Variants in SDK1 observed in about 807,000 individuals in gnomAD.
SDK1 encodes sidekick cell adhesion molecule 1.
SDK1 carries 157 observed loss-of-function variants against 245.5 expected under a neutral mutation model. The ratio of observed to expected loss-of-function variants is 0.64; its 90% CI spans 0.56 to 0.73. The LOEUF is 0.73. Ranked by LOEUF, SDK1 falls within the 30% of genes least tolerant of loss-of-function variation. SDK1 has a pLI of 0.00. For missense variants in SDK1, 3,583 were observed against 3,002.3 expected (o/e 1.19, Z -4.52); for synonymous variants, 1,647 against 1,278.5 (o/e 1.29, Z -6.15).
At chr7:3,655,497 A>G (rs192196419) in intron 4 of SDK1, among the ~76,000 whole-genome samples, 5,323 of 64,014 alleles carry the variant, frequency 0.083, 769 homozygotes, top group African/African-American at 0.22. Context: ...ATATATATAT[A>G]TATATATGTA....
rs1782394083 is a variant in SDK1 at position 4,178,527 on chromosome 7, A to G, written c.5039A>G (p.Tyr1680Cys). 10 of 1,613,908 alleles carry G rather than the reference A, an allele frequency of 6.2e-6. No individual in the cohort carries two copies. Among genetic ancestry groups the G allele is most frequent in the Non-Finnish European group, 5.9e-6 (7 of 1,180,004 alleles). Residue 1680 changes from tyrosine (Y) to cysteine (C), a missense_variant, in exon 35 of 45, where the codon TAT becomes TGT. By Grantham distance (194) the Tyr-to-Cys change is radical. Coordinates refer to ENST00000404826, the MANE Select transcript of SDK1 (RefSeq NM_152744.4). ...YRRYEVIMTA[Y>C]NIIGESPASA... ...CGCTATGAAGTAATAATGACCGCCT[A>G]TAACATCATCGGCGAGAGCCCAGCC...
chr7:3,810,310 T>A (rs1456075936), intron 4 of SDK1, among the ~76,000 whole-genome samples: 1 of 152,214 alleles, frequency 6.6e-6, no homozygotes, highest in African/African-American at 2.4e-5. Context: ...AAACATGTAT[T>A]CCGCACATTT....
chr7:3,996,557 G>C (rs866802537), intron 14 of SDK1, among the ~76,000 whole-genome samples: 2 of 152,218 alleles, frequency 1.3e-5, no homozygotes, highest in Admixed American at 1.3e-4. Flanking sequence ...ATACCCATAG[G>C]CTGTATACTT....
chr7:4,123,457 C>T (rs1055333510), intron 25 of SDK1, among the ~76,000 whole-genome samples: 1 of 152,116 alleles, frequency 6.6e-6, no homozygotes, highest in African/African-American at 2.4e-5. Context: ...ATTTAAGACA[C>T]CCTATGGGAG....
chr7:3,531,484 A>G (rs2128618025), intron 1 of SDK1, among the ~76,000 whole-genome samples: 1 of 152,280 alleles, frequency 6.6e-6, no homozygotes, highest in South Asian at 2.1e-4. Flanking sequence ...CTGAGACCCC[A>G]GTTTTCCCAG....
rs534600868 is a variant in SDK1, at chr7:4,144,172, C to T, written c.4229-1550C>T. Among the ~76,000 whole-genome samples, 17 of 152,178 alleles carry T rather than the reference C, an allele frequency of 1.1e-4. No homozygotes were observed. The South Asian group carries it at 1.2e-3, about 11-fold the overall frequency. ...GGGGAGGCCGGGGGAAAGAGCTGGC[C>T]GCCGTCTCTAGGCTGCCCTCGGTCA... On this transcript the variant is annotated intron_variant, in intron 28 of 44. Coordinates refer to ENST00000404826, the MANE Select transcript of SDK1 (RefSeq NM_152744.4).
chr7:3,482,171 C>T (rs10499337), intron 1 of SDK1, among the ~76,000 whole-genome samples: 36,700 of 152,082 alleles, frequency 0.24, 4,579 homozygotes, highest in South Asian at 0.3. Flanking sequence ...ACAGTCTATT[C>T]ATCGATCAGA....
chr7:3,759,995 G>T (rs1346731292), intron 4 of SDK1, among the ~76,000 whole-genome samples: 1 of 151,898 alleles, frequency 6.6e-6, no homozygotes, highest in South Asian at 2.1e-4. Context: ...TATAAATTTT[G>T]TAGAGACCTT....
intron 5 of SDK1, among the ~76,000 whole-genome samples, chr7:3,835,209 A>T (rs1780003317): frequency 1.3e-5 from 2 of 152,272 alleles, no homozygotes; most frequent in South Asian, 4.1e-4. Flanking sequence ...ATATCTTCTG[A>T]TGTTTGAGCT....
chr7:3,375,329 A>G (rs1055112078), intron 1 of SDK1, among the ~76,000 whole-genome samples: 59 of 152,214 alleles, frequency 3.9e-4, no homozygotes, highest in African/African-American at 1.4e-3. Flanking sequence ...AATGAAATAA[A>G]GTCTAGAAGT....
intron 4 of SDK1, among the ~76,000 whole-genome samples, chr7:3,672,759 T>TTATATATA (rs60760676): frequency 5.1e-4 from 26 of 50,748 alleles, no homozygotes; most frequent in African/African-American, 1.2e-3. Flanking sequence ...ATATATAATT[T>TTATATATA]TATATATATA....
intron 22 of SDK1, among the ~76,000 whole-genome samples, chr7:4,108,654 A>G (rs1584160499): frequency 6.6e-6 from 1 of 152,096 alleles, no homozygotes; most frequent in South Asian, 2.1e-4. Context: ...ATTTCATTTT[A>G]TTGTTTCTTT....
chr7:3,596,759 T>C (rs925542160), intron 1 of SDK1, among the ~76,000 whole-genome samples: 2 of 152,214 alleles, frequency 1.3e-5, no homozygotes, highest in African/African-American at 4.8e-5. Flanking sequence ...GAGCGAAGAC[T>C]AATTCTGGAA....
At chr7:3,332,809 G>T (rs530772771) in intron 1 of SDK1, among the ~76,000 whole-genome samples, 9 of 152,094 alleles carry the variant, frequency 5.9e-5, no homozygotes, top group African/African-American at 2.2e-4. Flanking sequence ...AAATATTTTT[G>T]GTAAATCTGC....
chr7:3,470,307 T>C (rs1781140247), intron 1 of SDK1, among the ~76,000 whole-genome samples: 1 of 152,130 alleles, frequency 6.6e-6, no homozygotes, highest in Admixed American at 6.5e-5. Context: ...AACAGATAGG[T>C]ATAGGATCTG....
intron 17 of SDK1, among the ~76,000 whole-genome samples, chr7:4,032,989 AAATG>A (rs1342388351): frequency 6.7e-6 from 1 of 150,220 alleles, no homozygotes; most frequent in Admixed American, 6.6e-5. Context: ...TCATAAAAAT[AAATG>A]AGCAAAAATA....
intron 1 of SDK1, among the ~76,000 whole-genome samples, chr7:3,517,974 C>T (rs1342330429): frequency 2.0e-5 from 3 of 152,102 alleles, no homozygotes. Context: ...TTTGTGACTT[C>T]TCTCTCTTTA....
intron 5 of SDK1, among the ~76,000 whole-genome samples, chr7:3,912,722 C>T (rs531855265): frequency 1.2e-4 from 18 of 152,342 alleles, no homozygotes; most frequent in African/African-American, 3.8e-4. Context: ...TGGCAGAGAC[C>T]GGCACGGTCT....
At chr7:3,351,694 A>G (rs984619641) in intron 1 of SDK1, among the ~76,000 whole-genome samples, 1 of 152,218 alleles carries the variant, frequency 6.6e-6, no homozygotes, top group Non-Finnish European at 1.5e-5. Context: ...GAAGAGGATC[A>G]CTGCACAGTG....
Sources: allele counts gnomAD v4.1 joint callset (sites outside exome capture counted in the v4.1 genomes callset), GRCh38; gene constraint gnomAD v4.1.1; transcripts MANE v1.5; gene names NCBI Gene and HGNC (gene_info 2026-07-23, HGNC 2026-07-21).